Variants in IL26 observed in about 807,000 individuals in gnomAD.
IL26 encodes the protein interleukin 26.
A neutral mutation model predicts 21.7 loss-of-function variants in IL26; 23 were observed. That is an observed-to-expected ratio of 1.06 (90% CI 0.76 to 1.50). The LOEUF (loss-of-function observed/expected upper bound fraction) is 1.50, where lower values mean the gene tolerates loss of function less well. IL26 is among the 40% of genes most tolerant of loss of function. The pLI, the probability that IL26 is intolerant of heterozygous loss-of-function variation, is 0.00. For synonymous variants in IL26, 63 were observed against 67.8 expected (o/e 0.93, Z 0.34); for missense variants, 204 against 196.0 (o/e 1.04, Z -0.24).
At chr12:68,219,953 T>TTTGGTGAA (rs1406567020) in intron 3 of IL26, among the ~76,000 whole-genome samples, 1 of 152,160 alleles carries the variant, frequency 6.6e-6, no homozygotes, top group East Asian at 1.9e-4. Flanking sequence ...TGGCTATAAA[T>TTTGGTGAA]TTGGTGAATT....
At position 68,225,751 on chromosome 12, in the gene IL26, C is replaced by T. The variant is rs1344990496; in HGVS notation, c.6G>A (p.Leu2=). ...ACCCACACCTCAAAATGAAATTCAC[C>T]AGCATTTCCCTTCACCCCACTCAGC... The part of the protein sequence containing the change: M[L]VNFILRCGLL... The change falls in exon 1 of 5, where the codon CTG becomes CTA. Residue 2 remains leucine, a synonymous_variant. Transcript: ENST00000229134. The T allele has an allele frequency of 6.2e-7, 1 of 1,613,664 alleles. No individual in the cohort carries two copies. Among genetic ancestry groups the T allele is most frequent in the African/African-American group, 1.3e-5 (1 of 74,908 alleles).
chr12:68,225,760 C>A lies in IL26; in HGVS notation c.-4G>T. On this transcript the variant is annotated 5_prime_UTR_variant, in exon 1 of 5. Coordinates refer to ENST00000229134, the MANE Select transcript of IL26 (RefSeq NM_018402.2). ...TCAAAATGAAATTCACCAGCATTTC[C>A]CTTCACCCCACTCAGCGTGTGTCAC... The A allele has an allele frequency of 1.2e-6, 2 of 1,613,474 alleles. No homozygotes were observed. The highest frequency in any genetic ancestry group is 1.7e-6 in the Non-Finnish European group (2 of 1,179,642).
intron 3 of IL26, among the ~76,000 whole-genome samples, chr12:68,207,606 G>A (rs1044850026): frequency 6.6e-6 from 1 of 152,156 alleles, no homozygotes; most frequent in African/African-American, 2.4e-5. Flanking sequence ...TGAGCAGTTT[G>A]TCTCTACTCA....
At chr12:68,211,963 T>C (rs780841940) in intron 3 of IL26, among the ~76,000 whole-genome samples, 2 of 152,146 alleles carry the variant, frequency 1.3e-5, no homozygotes, top group Non-Finnish European at 2.9e-5. Flanking sequence ...CCCAGACCAA[T>C]GTCCTGAAGT....
chr12:68,203,578 C>A (rs936258977), intron 3 of IL26, among the ~76,000 whole-genome samples: 6 of 152,180 alleles, frequency 3.9e-5, no homozygotes, highest in African/African-American at 1.2e-4. Context: ...CATTTAGTCT[C>A]TAAATGTCCT....
In IL26 at chr12:68,201,713, T is replaced by G; in HGVS notation, c.*132A>C. ...TAATTTACTAAATCCTTCTTGTCTA[T>G]TCTGAATCACCTAACATGCCGTCAG... On this transcript the variant is annotated 3_prime_UTR_variant, in exon 5 of 5. Transcript: ENST00000229134. 1 of 542,240 alleles carries G rather than the reference T, an allele frequency of 1.8e-6. No homozygotes were observed. Among genetic ancestry groups the G allele is most frequent in the Non-Finnish European group, 3.2e-6 (1 of 313,922 alleles). The allele number at this position is 542,240 out of a possible 1,614,324, so 33.6% of individuals were successfully genotyped here.
chr12:68,215,960 A>G (rs1484453748), intron 3 of IL26, among the ~76,000 whole-genome samples: 1 of 150,528 alleles, frequency 6.6e-6, no homozygotes, highest in African/African-American at 2.4e-5. Context: ...CTGGGATTAC[A>G]GGCATGAGCC....
intron 3 of IL26, among the ~76,000 whole-genome samples, chr12:68,209,100 T>C (rs987710019): frequency 2.0e-5 from 3 of 152,166 alleles, no homozygotes; most frequent in African/African-American, 7.2e-5. Context: ...AAAAAAATCA[T>C]ACAAATTTGT....
intron 3 of IL26, among the ~76,000 whole-genome samples, chr12:68,212,367 G>A (rs1245951440): frequency 6.6e-6 from 1 of 151,898 alleles, no homozygotes; most frequent in Non-Finnish European, 1.5e-5. Context: ...CTTTTGGGGG[G>A]TCTTTTGTGG....
intron 3 of IL26, among the ~76,000 whole-genome samples, chr12:68,215,336 G>T (rs1868847242): frequency 6.6e-6 from 1 of 152,120 alleles, no homozygotes; most frequent in Non-Finnish European, 1.5e-5. Flanking sequence ...GATTGGGGGA[G>T]GGGCATTGTG....
chr12:68,214,166 A>G (rs1399217821), intron 3 of IL26, among the ~76,000 whole-genome samples: 1 of 152,138 alleles, frequency 6.6e-6, no homozygotes, highest in Non-Finnish European at 1.5e-5. Flanking sequence ...GTAGTTTCCA[A>G]GATTCCTCTT....
At chr12:68,219,431 CA>C (rs11571007) in intron 3 of IL26, among the ~76,000 whole-genome samples, 2,188 of 151,508 alleles carry the variant, frequency 0.014, 43 homozygotes, top group African/African-American at 0.05. Context: ...TCTAATAACC[CA>C]TATATAAAAG....
At chr12:68,211,660 G>A (rs970071769) in intron 3 of IL26, among the ~76,000 whole-genome samples, 1 of 150,720 alleles carries the variant, frequency 6.6e-6, no homozygotes, top group Admixed American at 6.6e-5. Context: ...GTGATATTGA[G>A]TATTTTGATA....
chr12:68,210,697 T>C (rs1019658754), intron 3 of IL26, among the ~76,000 whole-genome samples: 4 of 152,178 alleles, frequency 2.6e-5, no homozygotes, highest in African/African-American at 9.6e-5. Context: ...GATCATCTGA[T>C]ATAGGTAAGC....
intron 3 of IL26, among the ~76,000 whole-genome samples, chr12:68,222,059 A>G (rs1304170817): frequency 6.6e-6 from 1 of 152,256 alleles, no homozygotes; most frequent in African/African-American, 2.4e-5. Context: ...TGTCTTTGCA[A>G]CTTTAGCAGA....
Position 68,225,584 on chromosome 12 carries a change from A to G in IL26, c.171+2T>C. On this transcript the variant is annotated splice_donor_variant, in intron 1 of 4. Transcript: ENST00000229134. LOFTEE classifies it high-confidence loss of function. ...TGATTTTAAGCAGAGCCTAATACTT[A>G]CTGGAATCGTTGCTTTGAGCCATGC... The G allele has an allele frequency of 6.2e-7, 1 of 1,613,930 alleles. No individual in the cohort carries two copies.
At chr12:68,203,389 C>A (rs1868441680) in intron 3 of IL26, among the ~76,000 whole-genome samples, 1 of 152,012 alleles carries the variant, frequency 6.6e-6, no homozygotes, top group Non-Finnish European at 1.5e-5. Context: ...TGGAATAGAC[C>A]AAGGAGATTG....
intron 3 of IL26, 111 bp from the exon 4 acceptor site, chr12:68,202,194 TA>T (rs1269600738): frequency 1.7e-5 from 10 of 573,726 alleles, no homozygotes; most frequent in Non-Finnish European, 2.9e-5. Flanking sequence ...GAGCACTAGA[TA>T]TGCACTGGCA....
rs1868394715 is a variant in IL26 at position 68,201,740 on chromosome 12, A to G, written c.*105T>C. On this transcript the variant is annotated 3_prime_UTR_variant, in exon 5 of 5. Transcript: ENST00000229134. ...CTGAATCACCTAACATGCCGTCAGT[A>G]TTATGTTAAAAAGTTTTTAAAAGAA... The G allele has an allele frequency of 1.5e-6, 1 of 680,026 alleles. No homozygotes were observed. Among genetic ancestry groups the G allele is most frequent in the South Asian group, 2.5e-5 (1 of 39,568 alleles). The allele number at this position is 680,026 out of a possible 1,614,324, so 42.1% of individuals were successfully genotyped here.
Sources: allele counts gnomAD v4.1 joint callset (sites outside exome capture counted in the v4.1 genomes callset), GRCh38; gene constraint gnomAD v4.1.1; transcripts MANE v1.5; gene names NCBI Gene and HGNC (gene_info 2026-07-23, HGNC 2026-07-21).